Variants in LMBR1L observed in about 807,000 individuals in gnomAD.
The protein encoded by LMBR1L is limb development membrane protein 1 like.
Under a neutral mutation model 67.3 loss-of-function variants are expected in LMBR1L, and 47 were observed. That is an observed-to-expected ratio of 0.70 (90% CI 0.55 to 0.89). The LOEUF is 0.89. LMBR1L is among the 40% of genes least tolerant of loss of function. The pLI is 0.00. For synonymous variants in LMBR1L, 247 were observed against 250.3 expected (o/e 0.99, Z 0.13); for missense variants, 533 against 599.2 (o/e 0.89, Z 1.15).
At position 49,104,467 on chromosome 12, in the gene LMBR1L, C is replaced by A. The variant is rs750675728; in HGVS notation, c.416G>T (p.Gly139Val). The A allele has an allele frequency of 4.3e-6, 7 of 1,612,822 alleles. No individual in the cohort carries two copies. The highest frequency in any genetic ancestry group is 5.9e-6 in the Non-Finnish European group (7 of 1,178,868). ...ACTTACCTTTCTGGAGCCAGCAAAG[C>A]CCTCAGACTCAGTGAAGAAATATGC... ...PFAYFFTESE[G>V]FAGSRKGVLG... Residue 139 changes from glycine (G) to valine (V), a missense_variant, in exon 5 of 17, where the codon GGC (glycine) becomes GTC (valine). Coordinates refer to ENST00000267102, the MANE Select transcript of LMBR1L (RefSeq NM_018113.4).
chr12:49,108,423 G>A (rs528710751), intron 1 of LMBR1L, among the ~76,000 whole-genome samples: 24 of 152,080 alleles, frequency 1.6e-4, no homozygotes, highest in Non-Finnish European at 2.4e-4. Flanking sequence ...TTAGCCAGGC[G>A]TGGTGGCATG....
chr12:49,108,425 G>A (rs1941164909), intron 1 of LMBR1L, among the ~76,000 whole-genome samples: 1 of 152,108 alleles, frequency 6.6e-6, no homozygotes, highest in Admixed American at 6.6e-5. Flanking sequence ...AGCCAGGCGT[G>A]GTGGCATGCA....
At position 49,098,229 on chromosome 12, in the gene LMBR1L, A is replaced by G. The variant is rs994138356; in HGVS notation, c.1241-124T>C. The G allele has an allele frequency of 6.1e-6, 6 of 986,922 alleles. No individual in the cohort carries two copies. The South Asian group carries it at 7.6e-5, about 13-fold the overall frequency. The allele number at this position is 986,922 out of a possible 1,614,324, so 61.1% of individuals were successfully genotyped here. On this transcript the variant is annotated intron_variant, in intron 15 of 16. Coordinates refer to ENST00000267102, the MANE Select transcript of LMBR1L (RefSeq NM_018113.4). The stretch of plus-strand genomic sequence containing the variant: ...GCAACTGATAGGTTGGCCTCTCCCA[A>G]TTCTACCACCCAAGCTGTCTCAAGA...
At chr12:49,107,708 G>C (rs1163213775) in intron 1 of LMBR1L, among the ~76,000 whole-genome samples, 1 of 152,240 alleles carries the variant, frequency 6.6e-6, no homozygotes, top group Non-Finnish European at 1.5e-5. Flanking sequence ...GAGCTGGCTG[G>C]ACTGCCAAGT....
At chr12:49,110,150 C>A in intron 1 of LMBR1L, 1 of 545,982 alleles carries the variant, frequency 1.8e-6, no homozygotes, top group East Asian at 4.5e-5. Flanking sequence ...CCATCCTTCC[C>A]CGATTATCAG....
chr12:49,098,889 T>C (rs1398181694), intron 15 of LMBR1L, among the ~76,000 whole-genome samples: 1 of 152,078 alleles, frequency 6.6e-6, no homozygotes, highest in Non-Finnish European at 1.5e-5. Context: ...CAGTCTTAGC[T>C]CACTGCAGCC....
In LMBR1L at chr12:49,106,281, T is replaced by C. The variant is rs1468283506; in HGVS notation, c.158-324A>G. ...TATAATAAACAACTAGTCTGTGAGG[T>C]TGGTTACATCAGTGGCTGGGTCCAG... On this transcript the variant is annotated intron_variant, in intron 2 of 16. Transcript: ENST00000267102. 3 of 408,324 alleles carry C rather than the reference T, an allele frequency of 7.3e-6. No homozygotes were observed. In the East Asian group the frequency reaches 1.6e-4, roughly 22 times the overall value. The allele number at this position is 408,324 out of a possible 1,614,324, so 25.3% of individuals were successfully genotyped here.
Position 49,101,262 on chromosome 12 carries a change from A to G in LMBR1L, c.1070T>C (p.Val357Ala). ...KLGSFGAVIQ[V>A]VLIFYLMVSS... is the part of the protein sequence containing the mutation. ...TCCAGAAGGATACAAGATGAGTACAACCTGAATGACGGCACCAAAGGAGCC... is the reference window on the plus strand; with the variant it reads ...TCCAGAAGGATACAAGATGAGTACAGCCTGAATGACGGCACCAAAGGAGCC... The change falls in exon 13 of 17, where the codon GTT becomes GCT. Residue 357 changes from valine to alanine, a missense_variant. By Grantham distance (64) the Val-to-Ala change is moderately conservative. Transcript: ENST00000267102. 3 of 1,614,140 alleles carry G rather than the reference A, an allele frequency of 1.9e-6. No individual in the cohort carries two copies. Among genetic ancestry groups the G allele is most frequent in the Non-Finnish European group, 2.5e-6 (3 of 1,180,024 alleles).
chr12:49,099,300 C>T (rs1462781037), intron 15 of LMBR1L, among the ~76,000 whole-genome samples: 1 of 151,904 alleles, frequency 6.6e-6, no homozygotes, highest in East Asian at 1.9e-4. Flanking sequence ...AGGCATGTGC[C>T]ACCATACCTG....
At position 49,100,407 on chromosome 12, in the gene LMBR1L, A is replaced by C. The variant is rs1377282943; in HGVS notation, c.1221T>G (p.Pro407=). 1 of 1,613,796 alleles carries C rather than the reference A, an allele frequency of 6.2e-7. No homozygotes were observed. The highest frequency in any genetic ancestry group is 1.3e-5 in the African/African-American group (1 of 74,940). The change falls in exon 15 of 17, where the codon CCT becomes CCG. Residue 407 remains proline, a synonymous_variant. Transcript: ENST00000267102. The part of the protein sequence containing the change: ...VCLLVLSSAL[P]VFSRTLGLTR... ...ACTTACCCAGGGTTCGAGAGAAGAC[A>C]GGAAGTGCTGAGCTTAGGACCAGGA...
chr12:49,110,649 T>A lies in LMBR1L; in HGVS notation c.-94A>T, dbSNP rs530352247. ...CGCCGCCAAGCACCCAGACCCAGCC[T>A]AGGGGCCTTTCCTCGCAGCCTGCGA... On this transcript the variant is annotated 5_prime_UTR_variant, in exon 1 of 17. Coordinates refer to ENST00000267102, the MANE Select transcript of LMBR1L (RefSeq NM_018113.4). 12 of 1,075,908 alleles carry A rather than the reference T, an allele frequency of 1.1e-5. No individual in the cohort carries two copies. In the East Asian group the frequency reaches 2.6e-4, roughly 24 times the overall value. 66.6% of individuals were successfully genotyped at this position (1,075,908 alleles called of 1,614,324 possible).
intron 12 of LMBR1L, 57 bp from the exon 13 acceptor site, chr12:49,101,380 C>T: frequency 6.2e-7 from 1 of 1,604,222 alleles, no homozygotes; most frequent in Non-Finnish European, 8.5e-7. Flanking sequence ...CTACCCGGCA[C>T]CCAGCCTTCC....
chr12:49,102,552 G>A lies in LMBR1L; in HGVS notation c.697-12C>T, dbSNP rs1940339715. 1.2e-6 allele frequency: 2 copies of A among 1,613,674 alleles called. No individual in the cohort carries two copies. Among genetic ancestry groups the A allele is most frequent in the Non-Finnish European group, 8.5e-7 (1 of 1,179,808 alleles). On this transcript the variant is annotated splice_polypyrimidine_tract_variant and intron_variant, in intron 8 of 16. Coordinates refer to ENST00000267102, the MANE Select transcript of LMBR1L (RefSeq NM_018113.4). ...AGGTCTTCCAGCAGCTAGGGGCAGG[G>A]GAAAGGAAGAGACTAACTGTCAGAG...
chr12:49,102,722 C>T (rs1475141013), intron 8 of LMBR1L, among the ~76,000 whole-genome samples, 165 bp downstream of exon 8: 1 of 152,216 alleles, frequency 6.6e-6, no homozygotes, highest in Non-Finnish European at 1.5e-5. Context: ...CCCTGCATGT[C>T]TAGTGACCAG....
Position 49,098,063 on chromosome 12 carries a change from T to C in LMBR1L, c.1283A>G (p.Asn428Ser), listed in dbSNP as rs752900135. 5 of 1,613,970 alleles carry C rather than the reference T, an allele frequency of 3.1e-6. No individual in the cohort carries two copies. The highest frequency in any genetic ancestry group is 4.2e-6 in the Non-Finnish European group (5 of 1,180,012). The change falls in exon 16 of 17, where the codon AAC becomes AGC. Residue 428 changes from asparagine (N) to serine (S), a missense_variant. Physicochemically the swap from Asn to Ser is conservative, Grantham distance 46. This residue lies in a region of LMBR1L where 223 missense variants were observed against 241.2 expected (regional missense o/e 0.92). Transcript: ENST00000267102. ...CACAATGTAGAAATTGCCCAGCCAG[T>C]TGAAGCGTCCAAAGTCACCCAGCAG... ...FDLLGDFGRFNWLGNFYIVFL... is the reference protein window; with the variant it reads ...FDLLGDFGRFSWLGNFYIVFL...
In LMBR1L at chr12:49,102,143, T is replaced by G. The variant is rs764087385; in HGVS notation, c.907A>C (p.Met303Leu). The G allele has an allele frequency of 1.2e-5, 19 of 1,614,042 alleles. No individual in the cohort carries two copies. Among genetic ancestry groups the G allele is most frequent in the African/African-American group, 4.0e-5 (3 of 74,914 alleles). The change falls in exon 11 of 17, where the codon ATG becomes CTG. Residue 303 changes from methionine to leucine, a missense_variant. Coordinates refer to ENST00000267102, the MANE Select transcript of LMBR1L (RefSeq NM_018113.4). ...WQRNLGYPLA[M>L]LCLLVLTGLS... Reference sequence around the variant, plus strand: ...ACCGTCAGCACCAGCAAGCACAGCATAGCCAGGGGGTAGCCCAGGTTCCGT... The same window carrying G: ...ACCGTCAGCACCAGCAAGCACAGCAGAGCCAGGGGGTAGCCCAGGTTCCGT...
chr12:49,100,249 C>T, intron 15 of LMBR1L, 139 bp downstream of exon 15: 1 of 725,336 alleles, frequency 1.4e-6, no homozygotes, highest in Non-Finnish European at 2.4e-6. Context: ...CCTTGCTTTC[C>T]TCATCTGTAT....
chr12:49,102,870 C>T lies in LMBR1L; in HGVS notation c.696+17G>A. 2.5e-6 allele frequency: 4 copies of T among 1,612,922 alleles called. No individual in the cohort carries two copies. The highest frequency in any genetic ancestry group is 3.4e-6 in the Non-Finnish European group (4 of 1,178,970). The stretch of plus-strand genomic sequence containing the variant: ...AAGCTCACCCTGCAGGATCAAAGAG[C>T]AAGGAATACCACATACCCGGGGCTT... On this transcript the variant is annotated intron_variant, in intron 8 of 16. Coordinates refer to ENST00000267102, the MANE Select transcript of LMBR1L (RefSeq NM_018113.4).
intron 6 of LMBR1L, 104 bp downstream of exon 6, chr12:49,103,583 G>C: frequency 7.1e-7 from 1 of 1,402,086 alleles, no homozygotes; most frequent in Non-Finnish European, 9.6e-7. Context: ...GTCTAAGGGA[G>C]AAGGTGCCAA....
Sources: allele counts gnomAD v4.1 joint callset (sites outside exome capture counted in the v4.1 genomes callset), GRCh38; gene constraint gnomAD v4.1.1; regional missense constraint gnomAD v4.1.1; transcripts MANE v1.5; gene names NCBI Gene and HGNC (gene_info 2026-07-23, HGNC 2026-07-21).